PHTF1: variants seen among roughly 807,000 people sequenced by gnomAD.
PHTF1 encodes the protein protein PHTF1.
Under a neutral mutation model 102.4 loss-of-function variants are expected in PHTF1, and 88 were observed. That is an observed-to-expected ratio of 0.86 (90% CI 0.72 to 1.03). The LOEUF (loss-of-function observed/expected upper bound fraction) is 1.03. PHTF1 is among the 50% of genes least tolerant of loss of function. PHTF1 has a pLI of 0.00. For synonymous variants in PHTF1, 289 were observed against 305.2 expected (o/e 0.95, Z 0.55); for missense variants, 814 against 909.5 (o/e 0.89, Z 1.35).
chr1:113,698,512 G>A, intron 17 of PHTF1, 125 bp from the exon 18 acceptor site: 1 of 779,714 alleles, frequency 1.3e-6, no homozygotes, highest in Non-Finnish European at 2.0e-6. Flanking sequence ...AATATTCAAA[G>A]AGCTACCTTC....
Position 113,724,776 on chromosome 1 carries a change from C to A in PHTF1, c.606G>T (p.Glu202Asp), listed in dbSNP as rs769469191. ...ESVPIIGGFWETIFGNRIKRV... is the reference protein window; with the variant it reads ...ESVPIIGGFWDTIFGNRIKRV... ...ACTCCCACCTGTTGCCAAAGATAGT[C>A]TCCCAAAAACCACCAATAATGGGTA... Residue 202 changes from glutamate to aspartate, a missense_variant, in exon 7 of 19, where the codon GAG becomes GAT. Coordinates refer to ENST00000369604, the MANE Select transcript of PHTF1 (RefSeq NM_001323043.2). 2.5e-6 allele frequency: 4 copies of A among 1,599,070 alleles called. No homozygotes were observed. Among genetic ancestry groups the A allele is most frequent in the Non-Finnish European group, 1.7e-6 (2 of 1,175,858 alleles).
intron 10 of PHTF1, among the ~76,000 whole-genome samples, 160 bp from the exon 11 acceptor site, chr1:113,710,635 C>G (rs1224774859): frequency 1.3e-5 from 2 of 151,622 alleles, no homozygotes; most frequent in African/African-American, 4.8e-5. Context: ...AACAATAATG[C>G]TTTTTTATTT....
intron 5 of PHTF1, 40 bp downstream of exon 5, chr1:113,738,070 A>G (rs763983414): frequency 1.4e-6 from 2 of 1,449,542 alleles, no homozygotes; most frequent in Admixed American, 3.7e-5. Context: ...AAAAGCAGCA[A>G]AAAGAAACTG....
intron 18 of PHTF1, 80 bp downstream of exon 18, chr1:113,698,181 AC>A: frequency 1.4e-6 from 1 of 739,694 alleles, no homozygotes; most frequent in Non-Finnish European, 2.2e-6. Flanking sequence ...ACACACACAC[AC>A]ACACACGTGT....
chr1:113,702,125 T>C (rs1649521075), intron 15 of PHTF1, among the ~76,000 whole-genome samples: 3 of 152,022 alleles, frequency 2.0e-5, no homozygotes, highest in South Asian at 2.1e-4. Context: ...AGGACAATAA[T>C]ACAAAAGGTG....
chr1:113,742,779 T>G (rs1656607784), intron 3 of PHTF1, among the ~76,000 whole-genome samples: 1 of 152,268 alleles, frequency 6.6e-6, no homozygotes, highest in South Asian at 2.1e-4. Context: ...ATTGTAGACT[T>G]TATAAACACC....
At chr1:113,751,914 A>G (rs1658144965) in intron 3 of PHTF1, among the ~76,000 whole-genome samples, 2 of 152,218 alleles carry the variant, frequency 1.3e-5, no homozygotes, top group African/African-American at 4.8e-5. Context: ...ATTTTGTTCT[A>G]ACAGATGTAT....
At chr1:113,755,957 C>T (rs1658803544) in intron 3 of PHTF1, among the ~76,000 whole-genome samples, 1 of 151,130 alleles carries the variant, frequency 6.6e-6, no homozygotes, top group African/African-American at 2.4e-5. Flanking sequence ...GTCCCAACTA[C>T]TCGGGAGGCT....
intron 3 of PHTF1, among the ~76,000 whole-genome samples, chr1:113,756,451 C>T (rs570545472): frequency 6.6e-6 from 1 of 152,224 alleles, no homozygotes; most frequent in Admixed American, 6.5e-5. Flanking sequence ...GGGTCTGCTG[C>T]AATACTTTTT....
chr1:113,716,734 T>G (rs1422411393), intron 7 of PHTF1, among the ~76,000 whole-genome samples: 1 of 151,854 alleles, frequency 6.6e-6, no homozygotes, highest in East Asian at 1.9e-4. Context: ...AAACAAGAAG[T>G]AAAAATAAAG....
At chr1:113,749,695 T>C (rs887260245) in intron 3 of PHTF1, 2 of 152,250 alleles carry the variant, frequency 1.3e-5, no homozygotes, top group African/African-American at 4.8e-5. Context: ...CTGTCTTTAG[T>C]TCTTTCTCAC....
intron 16 of PHTF1, 63 bp downstream of exon 16, chr1:113,700,731 G>C: frequency 6.8e-7 from 1 of 1,465,212 alleles, no homozygotes; most frequent in Non-Finnish European, 9.4e-7. Flanking sequence ...TCCTCTGCAG[G>C]AACCTTACAG....
chr1:113,722,500 G>T (rs1653120348), intron 7 of PHTF1, among the ~76,000 whole-genome samples: 1 of 152,052 alleles, frequency 6.6e-6, no homozygotes, highest in African/African-American at 2.4e-5. Flanking sequence ...TTTATGAACT[G>T]GAAGAATGAC....
chr1:113,739,053 A>G lies in PHTF1; in HGVS notation c.103-254T>C, dbSNP rs547448439. 7.4e-4 allele frequency among the ~76,000 whole-genome samples: 112 copies of G among 152,204 alleles called. 1 individual carries two copies. The highest frequency in any genetic ancestry group is 2.6e-3 in the African/African-American group (108 of 41,522). Reference sequence around the variant, plus strand: ...TTTTTAGTAGAGATGGGGTTTCACCATGTTGGCCAGGCTGGTCTCAAACTC... The same window carrying G: ...TTTTTAGTAGAGATGGGGTTTCACCGTGTTGGCCAGGCTGGTCTCAAACTC... On this transcript the variant is annotated intron_variant, in intron 3 of 18. Coordinates refer to ENST00000369604, the MANE Select transcript of PHTF1 (RefSeq NM_001323043.2).
At position 113,722,811 on chromosome 1, in the gene PHTF1, T is replaced by G. The variant is rs531590695; in HGVS notation, c.623+1948A>C. ...GGTGGCAGGCGCCTGTAATCCCAGC[T>G]ACTCGGGAGGCTGAGGCAGAATTGC... On this transcript the variant is annotated intron_variant, in intron 7 of 18. Coordinates refer to ENST00000369604, the MANE Select transcript of PHTF1 (RefSeq NM_001323043.2). Among the ~76,000 whole-genome samples the G allele has an allele frequency of 2.9e-3, 443 of 150,468 alleles. 1 individual carries two copies. Among genetic ancestry groups the G allele is most frequent in the African/African-American group, 9.4e-3 (384 of 41,006 alleles).
At chr1:113,727,960 G>A (rs1354178764) in intron 5 of PHTF1, among the ~76,000 whole-genome samples, 2 of 152,006 alleles carry the variant, frequency 1.3e-5, no homozygotes, top group African/African-American at 4.8e-5. Flanking sequence ...GCAACAGAGT[G>A]AGACCTGGTC....
intron 3 of PHTF1, among the ~76,000 whole-genome samples, chr1:113,750,452 CTAATAT>C (rs1244681038): frequency 6.6e-6 from 1 of 151,926 alleles, no homozygotes; most frequent in East Asian, 1.9e-4. Flanking sequence ...TTTGTTCACT[CTAATAT>C]TAATTTTTAA....
At chr1:113,749,425 A>G (rs1453800765) in intron 3 of PHTF1, 2 of 152,204 alleles carry the variant, frequency 1.3e-5, no homozygotes, top group Non-Finnish European at 2.9e-5. Flanking sequence ...TGACGAAAAG[A>G]AATTCCAGTC....
At chr1:113,737,939 C>G (rs771825252) in intron 5 of PHTF1, among the ~76,000 whole-genome samples, 171 bp downstream of exon 5, 2 of 152,192 alleles carry the variant, frequency 1.3e-5, no homozygotes, top group Non-Finnish European at 2.9e-5. Context: ...TATGTTTGCT[C>G]TCTCATAGCA....
Sources: gnomAD v4.1 joint callset for allele counts (sites outside exome capture counted in the v4.1 genomes callset) on GRCh38, gnomAD v4.1.1 for gene constraint, MANE v1.5 for transcripts, NCBI Gene and HGNC (gene_info 2026-07-23, HGNC 2026-07-21) for gene names.